NSG2: variants seen among roughly 807,000 people sequenced by gnomAD.
The protein encoded by NSG2 is neuronal vesicle trafficking-associated protein 2.
In NSG2, 4 loss-of-function variants were observed where a neutral mutation model predicts 16.9. The ratio of observed to expected loss-of-function variants is 0.24; its 90% CI spans 0.12 to 0.54. The LOEUF is 0.54. NSG2 is among the 20% of genes least tolerant of loss of function. The pLI is 0.95. For synonymous variants in NSG2, 98 were observed against 88.7 expected (o/e 1.11, Z -0.59); for missense variants, 179 against 221.1 (o/e 0.81, Z 1.21).
At position 174,062,772 on chromosome 5, in the gene NSG2, A is replaced by G. The variant is rs1175060500; in HGVS notation, c.130-1460A>G. 4 of 152,274 alleles carry G rather than the reference A, an allele frequency of 2.6e-5. No individual in the cohort carries two copies. In the East Asian group the frequency reaches 7.7e-4, roughly 29 times the overall value. 9.4% of individuals were successfully genotyped at this position (152,274 alleles called of 1,614,324 possible). A position where few individuals can be genotyped will look rare whatever the true frequency, so the allele number is the denominator to read the frequency against. ...TTCCGTGTATGGTAGCGCCGTCCCT[A>G]TCCCTTCCTTTTTGAGCTGCATTGA... On this transcript the variant is annotated intron_variant, in intron 2 of 4. Coordinates refer to ENST00000303177, the MANE Select transcript of NSG2 (RefSeq NM_015980.5).
At chr5:174,061,998 A>G (rs547352726) in intron 2 of NSG2, among the ~76,000 whole-genome samples, 18 of 147,590 alleles carry the variant, frequency 1.2e-4, no homozygotes, top group African/African-American at 4.1e-4. Flanking sequence ...TGCTCTTGAT[A>G]GGCTAGGTAG....
intron 3 of NSG2, among the ~76,000 whole-genome samples, chr5:174,088,795 A>T (rs1013751757): frequency 6.6e-6 from 1 of 152,192 alleles, no homozygotes; most frequent in African/African-American, 2.4e-5. Flanking sequence ...AGCCCAGGAA[A>T]TGTAATAAGA....
At chr5:174,104,880 C>T (rs1581245472) in intron 4 of NSG2, among the ~76,000 whole-genome samples, 1 of 152,166 alleles carries the variant, frequency 6.6e-6, no homozygotes, top group African/African-American at 2.4e-5. Flanking sequence ...AAAATGGGGG[C>T]TCATAATGCC....
chr5:174,067,118 G>A (rs1245432760), intron 3 of NSG2, among the ~76,000 whole-genome samples: 2 of 151,964 alleles, frequency 1.3e-5, no homozygotes, highest in African/African-American at 4.8e-5. Context: ...TAGGATTGGA[G>A]CTATGAAAAA....
At position 174,072,570 on chromosome 5, in the gene NSG2, G is replaced by A. The variant is rs114524882; in HGVS notation, c.213+8255G>A. Among the ~76,000 whole-genome samples the A allele has an allele frequency of 0.016, 2,439 of 152,310 alleles. 27 individuals are homozygous for A. The highest frequency in any genetic ancestry group is 0.021 in the Non-Finnish European group (1,408 of 68,038). On this transcript the variant is annotated intron_variant, in intron 3 of 4. Transcript: ENST00000303177. This position sits in a 1 kb window ranked among gnomAD's most constrained non-coding sequence, Gnocchi z 4.0. Reference sequence around the variant, plus strand: ...ATTCTAGTACCAATTAAACAGAGTTGGCATCAGTGAGTTACCTACTAGGTC... The same window carrying A: ...ATTCTAGTACCAATTAAACAGAGTTAGCATCAGTGAGTTACCTACTAGGTC...
intron 3 of NSG2, among the ~76,000 whole-genome samples, chr5:174,090,483 T>C (rs967988260): frequency 2.0e-5 from 3 of 152,222 alleles, no homozygotes; most frequent in African/African-American, 7.2e-5. Flanking sequence ...ATAAGCCATA[T>C]TGTAAGTACA....
At chr5:174,069,874 A>ATTTT (rs1374503826) in intron 3 of NSG2, among the ~76,000 whole-genome samples, 1 of 113,284 alleles carries the variant, frequency 8.8e-6, no homozygotes, top group Admixed American at 9.0e-5. Context: ...AAGGTAGGCC[A>ATTTT]TTTTTTTTTT....
At chr5:174,104,085 A>G in intron 3 of NSG2, 143 bp from the exon 4 acceptor site, 2 of 612,500 alleles carry the variant, frequency 3.3e-6, no homozygotes, top group Admixed American at 2.8e-5. Flanking sequence ...GTTAGTAACA[A>G]AGCCAAGACA....
At chr5:174,063,521 C>CTATTTTATTTTATTT (rs61400785) in intron 2 of NSG2, among the ~76,000 whole-genome samples, 9 of 144,932 alleles carry the variant, frequency 6.2e-5, no homozygotes, top group East Asian at 2.0e-4. Flanking sequence ...TCATAACTTT[C>CTATTTTATTTTATTT]TATTTTATTT....
chr5:174,066,766 G>A (rs1053997072), intron 3 of NSG2, among the ~76,000 whole-genome samples: 5 of 151,946 alleles, frequency 3.3e-5, no homozygotes, highest in African/African-American at 1.2e-4. Flanking sequence ...AATGATGGCT[G>A]TGTCACGAGG....
chr5:174,105,716 C>A (rs528548633), intron 4 of NSG2, among the ~76,000 whole-genome samples: 1 of 152,144 alleles, frequency 6.6e-6, no homozygotes, highest in Admixed American at 6.5e-5. Context: ...TCCTGACCAA[C>A]GTGGAGAAAC....
At chr5:174,075,029 A>C (rs1323533446) in intron 3 of NSG2, among the ~76,000 whole-genome samples, 1 of 152,130 alleles carries the variant, frequency 6.6e-6, no homozygotes, top group Non-Finnish European at 1.5e-5. Flanking sequence ...AGGTTTCTCA[A>C]ATCCTTGGTT....
intron 3 of NSG2, among the ~76,000 whole-genome samples, chr5:174,071,458 G>C (rs182841954): frequency 5.3e-4 from 81 of 152,342 alleles, no homozygotes; most frequent in African/African-American, 1.9e-3. Context: ...CTGCACTCCA[G>C]CCTGACGACA....
chr5:174,051,092 C>T (rs1294147399), intron 2 of NSG2, among the ~76,000 whole-genome samples: 1 of 152,164 alleles, frequency 6.6e-6, no homozygotes, highest in Non-Finnish European at 1.5e-5. Context: ...CAGCGGTGCT[C>T]CATGGGGGCG....
At chr5:174,065,234 A>G (rs1760120313) in intron 3 of NSG2, among the ~76,000 whole-genome samples, 3 of 151,994 alleles carry the variant, frequency 2.0e-5, no homozygotes, top group African/African-American at 7.2e-5. Flanking sequence ...AGGCTGAGGC[A>G]GGAGAATGGA....
intron 3 of NSG2, among the ~76,000 whole-genome samples, chr5:174,102,941 C>CTTTTTTTT (rs143473714): frequency 6.3e-5 from 7 of 111,704 alleles, no homozygotes; most frequent in Non-Finnish European, 1.0e-4. Flanking sequence ...ACCACCCTGG[C>CTTTTTTTT]TTTTTTTTTT....
At chr5:174,093,344 G>GC (rs1448046736) in intron 3 of NSG2, among the ~76,000 whole-genome samples, 1 of 152,146 alleles carries the variant, frequency 6.6e-6, no homozygotes. Context: ...GCACTACCAC[G>GC]CCCCGCCATC....
intron 3 of NSG2, among the ~76,000 whole-genome samples, chr5:174,070,859 C>T (rs951594878): frequency 6.6e-6 from 1 of 152,218 alleles, no homozygotes; most frequent in Non-Finnish European, 1.5e-5. Context: ...TCTGGTGCAT[C>T]TCTGTGTTCC....
At chr5:174,081,818 A>T (rs2113455055) in intron 3 of NSG2, among the ~76,000 whole-genome samples, 1 of 145,216 alleles carries the variant, frequency 6.9e-6, no homozygotes, top group East Asian at 2.1e-4. Context: ...TGAACCCGGG[A>T]GGCAGAGCTT....
Sources: gnomAD v4.1 joint callset for allele counts (sites outside exome capture counted in the v4.1 genomes callset) on GRCh38, gnomAD v4.1.1 for gene constraint, Gnocchi (gnomAD v3.1) non-coding constraint, MANE v1.5 for transcripts, NCBI Gene and HGNC (gene_info 2026-07-23, HGNC 2026-07-21) for gene names.